Variants in FAM227B observed in about 807,000 individuals in gnomAD.
The protein encoded by FAM227B is protein FAM227B.
A neutral mutation model predicts 73.8 loss-of-function variants in FAM227B; 88 were observed. The ratio of observed to expected loss-of-function variants is 1.19; its 90% CI spans 1.00 to 1.42. The LOEUF (loss-of-function observed/expected upper bound fraction) is 1.42. FAM227B is among the 40% of genes most tolerant of loss of function. The probability of loss-of-function intolerance (pLI) is 0.00; values close to 1 mark genes in which losing one functional copy is unlikely to be tolerated. For missense variants in FAM227B, 632 were observed against 590.9 expected (o/e 1.07, Z -0.72); for synonymous variants, 210 against 190.5 (o/e 1.10, Z -0.84).
At chr15:49,402,228 T>A (rs1040229636) in intron 11 of FAM227B, among the ~76,000 whole-genome samples, 2 of 152,140 alleles carry the variant, frequency 1.3e-5, no homozygotes, top group African/African-American at 2.4e-5. Flanking sequence ...GACACAGAGA[T>A]GATGTGTATA....
In FAM227B at chr15:49,371,397, T is replaced by C; in HGVS notation, c.1015A>G (p.Ile339Val). The C allele has an allele frequency of 1.1e-5, 16 of 1,520,260 alleles. No homozygotes were observed. The highest frequency in any genetic ancestry group is 1.4e-5 in the Non-Finnish European group (16 of 1,116,286). 94.2% of individuals were successfully genotyped at this position (1,520,260 alleles called of 1,614,324 possible). ...ADSQEHISTSIDFNIIKILNN... is the reference protein window; with the variant it reads ...ADSQEHISTSVDFNIIKILNN... ...AGAATCTTTATAATATTGAAGTCGA[T>C]ACCTAAAACAGAAAATAAAATACTT... is the stretch of plus-strand genomic sequence containing the variant. Residue 339 changes from isoleucine (I) to valine (V), a missense_variant and splice_region_variant, in exon 12 of 16, where the codon ATC becomes GTC. By Grantham distance (29) the Ile-to-Val change is conservative. Coordinates refer to ENST00000299338, the MANE Select transcript of FAM227B (RefSeq NM_152647.3).
intron 2 of FAM227B, among the ~76,000 whole-genome samples, chr15:49,612,041 T>G (rs891171714): frequency 1.3e-5 from 2 of 151,934 alleles, no homozygotes; most frequent in Non-Finnish European, 2.9e-5. Flanking sequence ...TTCTTTTTTT[T>G]TTTTTTTAAT....
At chr15:49,439,432 G>A (rs2051420472) in intron 11 of FAM227B, among the ~76,000 whole-genome samples, 1 of 151,752 alleles carries the variant, frequency 6.6e-6, no homozygotes, top group Admixed American at 6.6e-5. Flanking sequence ...TAAAACGTGG[G>A]GGGAGGGAAC....
At position 49,509,475 on chromosome 15, in the gene FAM227B, C is replaced by T. The variant is rs148474551; in HGVS notation, c.875-1127G>A. Among the ~76,000 whole-genome samples the T allele has an allele frequency of 2.1e-3, 319 of 152,128 alleles. 2 individuals carry two copies. Among genetic ancestry groups the T allele is most frequent in the African/African-American group, 7.1e-3 (294 of 41,502 alleles). On this transcript the variant is annotated intron_variant, in intron 10 of 15. Transcript: ENST00000299338. ...CAAACTATGTGCTTGACACAAGGGGCGCAAAAGTCATTTCAATCTAGTCCC... is the reference window on the plus strand; with the variant it reads ...CAAACTATGTGCTTGACACAAGGGGTGCAAAAGTCATTTCAATCTAGTCCC...
intron 13 of FAM227B, among the ~76,000 whole-genome samples, chr15:49,355,389 G>A (rs1417248740): frequency 1.3e-5 from 2 of 152,226 alleles, no homozygotes; most frequent in Non-Finnish European, 2.9e-5. Context: ...ACAGAGAACT[G>A]CCTAAAGGAG....
intron 9 of FAM227B, among the ~76,000 whole-genome samples, chr15:49,563,828 C>A (rs952155949): frequency 6.6e-6 from 1 of 152,110 alleles, no homozygotes; most frequent in African/African-American, 2.4e-5. Context: ...TCACCATATA[C>A]AAAGATTGAC....
At chr15:49,614,375 G>A (rs541876453) in intron 2 of FAM227B, among the ~76,000 whole-genome samples, 1 of 152,272 alleles carries the variant, frequency 6.6e-6, no homozygotes, top group Admixed American at 6.5e-5. Context: ...ATGCCAGGAG[G>A]CAGGACCAGT....
intron 10 of FAM227B, among the ~76,000 whole-genome samples, chr15:49,541,069 T>G (rs539686079): frequency 6.6e-6 from 1 of 152,182 alleles, no homozygotes; most frequent in Non-Finnish European, 1.5e-5. Context: ...TGAAAACAGT[T>G]AATAGCTTCT....
At chr15:49,579,077 T>C (rs1423270451) in intron 5 of FAM227B, among the ~76,000 whole-genome samples, 2 of 152,104 alleles carry the variant, frequency 1.3e-5, no homozygotes, top group African/African-American at 4.8e-5. Flanking sequence ...TCACAAATCA[T>C]CAGAGAAATG....
intron 11 of FAM227B, among the ~76,000 whole-genome samples, chr15:49,498,600 A>C (rs1045917120): frequency 9.9e-5 from 15 of 152,236 alleles, no homozygotes; most frequent in Non-Finnish European, 2.1e-4. Context: ...GTCAGATATA[A>C]AAAGCGTATT....
At position 49,459,542 on chromosome 15, in the gene FAM227B, CT is replaced by C. The variant is rs200997368; in HGVS notation, c.1012+48668del. ...TTAAGTGCTTTTCTTTTCCCATCCT[CT>C]ATCTTTATCTTAATTATTTTAAAGT... On this transcript the variant is annotated intron_variant, in intron 11 of 15. Coordinates refer to ENST00000299338, the MANE Select transcript of FAM227B (RefSeq NM_152647.3). Among the ~76,000 whole-genome samples, 1,345 of 152,186 alleles carry C rather than the reference CT, an allele frequency of 8.8e-3. 27 individuals are homozygous for C. The highest frequency in any genetic ancestry group is 0.072 in the South Asian group (345 of 4,820).
chr15:49,363,894 C>T (rs1456174795), intron 13 of FAM227B, among the ~76,000 whole-genome samples: 5 of 152,002 alleles, frequency 3.3e-5, no homozygotes, highest in African/African-American at 1.2e-4. Context: ...GTTTTTAGTT[C>T]TGTTTAATGT....
intron 11 of FAM227B, among the ~76,000 whole-genome samples, chr15:49,377,111 T>C (rs1467909717): frequency 2.6e-5 from 4 of 152,104 alleles, no homozygotes; most frequent in Admixed American, 1.3e-4. Flanking sequence ...TTAGATCCCA[T>C]AAATAATTGA....
intron 11 of FAM227B, among the ~76,000 whole-genome samples, chr15:49,407,194 C>G (rs2048572616): frequency 1.3e-5 from 2 of 152,188 alleles, no homozygotes; most frequent in African/African-American, 4.8e-5. Flanking sequence ...CTTGCTGTCC[C>G]TACCACTTTT....
intron 11 of FAM227B, among the ~76,000 whole-genome samples, chr15:49,417,405 T>G (rs1185805437): frequency 6.6e-6 from 1 of 151,994 alleles, no homozygotes; most frequent in East Asian, 1.9e-4. Flanking sequence ...GGAGGCATCA[T>G]GCTACCCGAC....
intron 11 of FAM227B, among the ~76,000 whole-genome samples, chr15:49,461,030 T>C (rs993863652): frequency 7.2e-5 from 11 of 152,186 alleles, no homozygotes; most frequent in Non-Finnish European, 1.0e-4. Context: ...AGCCTTCCCC[T>C]GAAAATACTA....
At chr15:49,404,359 G>T (rs1395992624) in intron 11 of FAM227B, among the ~76,000 whole-genome samples, 1 of 152,138 alleles carries the variant, frequency 6.6e-6, no homozygotes, top group Non-Finnish European at 1.5e-5. Flanking sequence ...TGTCAGTGGG[G>T]TGTTAAAGTC....
chr15:49,456,622 A>G (rs540853087), intron 11 of FAM227B, among the ~76,000 whole-genome samples: 1 of 152,218 alleles, frequency 6.6e-6, no homozygotes. Context: ...AGAAGGAGAG[A>G]TAACTAACAT....
intron 10 of FAM227B, among the ~76,000 whole-genome samples, chr15:49,537,162 A>G (rs1231112332): frequency 6.6e-6 from 1 of 152,126 alleles, no homozygotes; most frequent in Non-Finnish European, 1.5e-5. Context: ...ATTGACAAAT[A>G]ATATTACTAC....
Sources: gnomAD v4.1 joint callset for allele counts (sites outside exome capture counted in the v4.1 genomes callset) on GRCh38, gnomAD v4.1.1 for gene constraint, MANE v1.5 for transcripts, NCBI Gene and HGNC (gene_info 2026-07-23, HGNC 2026-07-21) for gene names.